MAST4: variants seen among roughly 807,000 people sequenced by gnomAD.
MAST4 encodes the protein microtubule-associated serine/threonine-protein kinase 4.
In MAST4, 89 loss-of-function variants were observed where a neutral mutation model predicts 162.7. That is an observed-to-expected ratio of 0.55 (90% CI 0.46 to 0.65). The LOEUF (loss-of-function observed/expected upper bound fraction) is 0.65. MAST4 is among the 30% of genes least tolerant of loss of function. The pLI is 0.00. For missense variants in MAST4, 3,153 were observed against 3,374.0 expected (o/e 0.93, Z 1.62); for synonymous variants, 1,479 against 1,361.1 (o/e 1.09, Z -1.91).
intron 1 of MAST4, among the ~76,000 whole-genome samples, chr5:66,643,878 G>GTTTTTTTTT (rs71610525): frequency 7.0e-6 from 1 of 141,966 alleles, no homozygotes; most frequent in Non-Finnish European, 1.5e-5. Context: ...AATAGCTTGT[G>GTTTTTTTTT]TTTTTTTTTT....
chr5:67,130,063 A>G (rs1768777585), intron 14 of MAST4, 147 bp from the exon 15 acceptor site: 1 of 684,516 alleles, frequency 1.5e-6, no homozygotes, highest in African/African-American at 1.8e-5. Flanking sequence ...CTGGGATGGG[A>G]TGTTTGTAGC....
chr5:66,661,887 C>G (rs1455497533), intron 1 of MAST4, among the ~76,000 whole-genome samples: 1 of 152,056 alleles, frequency 6.6e-6, no homozygotes, highest in Non-Finnish European at 1.5e-5. Flanking sequence ...ATAGGTCCAC[C>G]TAAGTTTTTA....
chr5:67,052,377 T>G (rs767683440), intron 4 of MAST4, among the ~76,000 whole-genome samples: 1 of 152,132 alleles, frequency 6.6e-6, no homozygotes, highest in African/African-American at 2.4e-5. Flanking sequence ...TGAATCACAT[T>G]TTTGAAATCA....
At chr5:67,117,408 T>G (rs1378619629) in intron 12 of MAST4, among the ~76,000 whole-genome samples, 2 of 152,180 alleles carry the variant, frequency 1.3e-5, no homozygotes, top group Non-Finnish European at 2.9e-5. Flanking sequence ...AAGGTAGTAA[T>G]CCAGTGTTGT....
chr5:67,005,293 C>T (rs1490327362), intron 4 of MAST4, among the ~76,000 whole-genome samples: 1 of 152,192 alleles, frequency 6.6e-6, no homozygotes, highest in Admixed American at 6.5e-5. Flanking sequence ...ATGTGCTTCT[C>T]ATAGGTTTTC....
intron 3 of MAST4, among the ~76,000 whole-genome samples, chr5:66,878,753 C>A (rs1262314359): frequency 6.6e-6 from 1 of 152,218 alleles, no homozygotes; most frequent in East Asian, 1.9e-4. Flanking sequence ...TGGCCCCTGG[C>A]TCCTATGGAC....
chr5:67,159,906 A>G (rs756023743), intron 26 of MAST4, among the ~76,000 whole-genome samples: 1 of 152,248 alleles, frequency 6.6e-6, no homozygotes, highest in Non-Finnish European at 1.5e-5. Context: ...TAAAATAATT[A>G]AAAATAAAAG....
chr5:66,778,691 A>G (rs545427516), intron 2 of MAST4, among the ~76,000 whole-genome samples: 1 of 152,302 alleles, frequency 6.6e-6, no homozygotes, highest in South Asian at 2.1e-4. Context: ...CAGGGTGGCT[A>G]TCTATGATTG....
At chr5:66,780,701 A>G (rs954462941) in intron 2 of MAST4, among the ~76,000 whole-genome samples, 1 of 151,908 alleles carries the variant, frequency 6.6e-6, no homozygotes, top group Non-Finnish European at 1.5e-5. Flanking sequence ...TGATTGGTCC[A>G]TTTTACAGAG....
intron 1 of MAST4, among the ~76,000 whole-genome samples, chr5:66,601,648 A>G (rs1477972143): frequency 4.6e-5 from 7 of 152,096 alleles, no homozygotes; most frequent in Non-Finnish European, 5.9e-5. Context: ...AGGAGAGAGC[A>G]TGGGTCCATG....
chr5:66,879,709 C>T (rs931382855), intron 3 of MAST4, among the ~76,000 whole-genome samples: 3 of 152,290 alleles, frequency 2.0e-5, no homozygotes, highest in Middle Eastern at 3.4e-3. Flanking sequence ...GATGGGATTT[C>T]GCGATGACGC....
At chr5:66,939,385 T>G (rs182686578) in intron 4 of MAST4, among the ~76,000 whole-genome samples, 1 of 152,290 alleles carries the variant, frequency 6.6e-6, no homozygotes, top group Non-Finnish European at 1.5e-5. Flanking sequence ...GTACCATCTT[T>G]TTCCATATCC....
chr5:66,978,628 A>G (rs867729717), intron 4 of MAST4, among the ~76,000 whole-genome samples: 77 of 152,194 alleles, frequency 5.1e-4, no homozygotes, highest in African/African-American at 1.6e-3. Context: ...GGCTAAGTAC[A>G]TGGAAAGGAG....
chr5:66,804,632 G>A (rs1438982196), intron 3 of MAST4, among the ~76,000 whole-genome samples: 1 of 152,194 alleles, frequency 6.6e-6, no homozygotes, highest in Non-Finnish European at 1.5e-5. Flanking sequence ...TCCTTCCAAT[G>A]AAAGTAGAGA....
At chr5:66,798,046 A>C (rs1755737202) in intron 3 of MAST4, among the ~76,000 whole-genome samples, 2 of 152,132 alleles carry the variant, frequency 1.3e-5, no homozygotes, top group Non-Finnish European at 2.9e-5. Flanking sequence ...TCATTTTCCT[A>C]AGTTAAGCTA....
intron 3 of MAST4, among the ~76,000 whole-genome samples, chr5:66,859,163 G>C (rs1034528971): frequency 6.6e-6 from 1 of 152,048 alleles, no homozygotes; most frequent in Non-Finnish European, 1.5e-5. Flanking sequence ...AGGACTTTTA[G>C]TATCTTGATA....
chr5:66,987,319 G>C (rs192710606), intron 4 of MAST4, among the ~76,000 whole-genome samples: 24 of 152,282 alleles, frequency 1.6e-4, no homozygotes, highest in Admixed American at 1.2e-3. Flanking sequence ...TATAGAGTAT[G>C]CTGATGAGTC....
chr5:66,772,555 A>G (rs1754406908), intron 2 of MAST4, among the ~76,000 whole-genome samples: 1 of 152,228 alleles, frequency 6.6e-6, no homozygotes, highest in Non-Finnish European at 1.5e-5. Flanking sequence ...AGAGAGTAAC[A>G]GGGTACAATA....
At chr5:67,028,129 A>G (rs1581250284) in intron 4 of MAST4, among the ~76,000 whole-genome samples, 1 of 143,040 alleles carries the variant, frequency 7.0e-6, no homozygotes, top group Admixed American at 7.0e-5. Flanking sequence ...TTAGCCATGC[A>G]TGGTGGGGAT....
Sources: allele counts gnomAD v4.1 joint callset (sites outside exome capture counted in the v4.1 genomes callset), GRCh38; gene constraint gnomAD v4.1.1; transcripts MANE v1.5; gene names NCBI Gene and HGNC (gene_info 2026-07-23, HGNC 2026-07-21).